The following TBC1D12 variants were observed in gnomAD, a reference collection of about 807,000 sequenced individuals.
The protein encoded by TBC1D12 is TBC1 domain family member 12.
In TBC1D12, 56 loss-of-function variants were observed where a neutral mutation model predicts 86.7. That is an observed-to-expected ratio of 0.65 (90% confidence interval 0.52 to 0.81). TBC1D12 has a LOEUF of 0.81. Ranked by LOEUF, TBC1D12 falls within the 30% of genes least tolerant of loss-of-function variation. TBC1D12 has a pLI of 0.00. For missense variants in TBC1D12, 1,023 were observed against 1,038.8 expected, an observed-to-expected ratio of 0.98 and a Z score of 0.21; for synonymous variants, 421 against 411.7, an observed-to-expected ratio of 1.02 and a Z score of -0.27.
intron 3 of TBC1D12, among the ~76,000 whole-genome samples, chr10:94,483,362 A>G (rs1469276894): frequency 2.0e-5 from 3 of 152,268 alleles, no homozygotes; most frequent in Admixed American, 1.3e-4. Context: ...TGGTTGTACT[A>G]ATTTCCATTA....
chr10:94,413,724 AT>A, intron 1 of TBC1D12, among the ~76,000 whole-genome samples: 1 of 151,428 alleles, frequency 6.6e-6, no homozygotes, highest in East Asian at 1.9e-4. Flanking sequence ...TCATCTTTGA[AT>A]TTGGCTTTTC....
intron 9 of TBC1D12, among the ~76,000 whole-genome samples, chr10:94,520,806 C>G (rs1842130233): frequency 6.6e-6 from 1 of 151,752 alleles, no homozygotes; most frequent in Admixed American, 6.6e-5. Flanking sequence ...ACTACAGGCA[C>G]CTGCCACCAC....
At chr10:94,418,553 G>A (rs546091371) in intron 1 of TBC1D12, among the ~76,000 whole-genome samples, 18 of 148,246 alleles carry the variant, frequency 1.2e-4, no homozygotes, top group African/African-American at 4.3e-4. Context: ...TTATACTTTG[G>A]TCTATTATTA....
At chr10:94,501,811 G>T (rs1300512660) in intron 6 of TBC1D12, among the ~76,000 whole-genome samples, 1 of 151,892 alleles carries the variant, frequency 6.6e-6, no homozygotes, top group African/African-American at 2.4e-5. Context: ...GCCTCCCAAA[G>T]TGCTGGGATT....
rs185130152 is a variant in TBC1D12, at chr10:94,418,937, C to T, written c.971+15353C>T. On this transcript the variant is annotated intron_variant, in intron 1 of 12. Coordinates refer to ENST00000225235, the MANE Select transcript of TBC1D12 (RefSeq NM_015188.2). ...TTGCCCAGACTGGAGTGCAGTGGCGCGATCTCGGCTCACTGCAACATCCAC... is the reference window on the plus strand; with the variant it reads ...TTGCCCAGACTGGAGTGCAGTGGCGTGATCTCGGCTCACTGCAACATCCAC... Among the ~76,000 whole-genome samples the T allele has an allele frequency of 4.5e-3, 678 of 151,010 alleles. 6 individuals carry two copies. Among genetic ancestry groups the T allele is most frequent in the African/African-American group, 0.015 (625 of 41,084 alleles).
chr10:94,512,385 C>T, intron 9 of TBC1D12, among the ~76,000 whole-genome samples: 1 of 152,190 alleles, frequency 6.6e-6, no homozygotes, highest in East Asian at 1.9e-4. Context: ...ATAGAACTTT[C>T]ATCTTCTCAC....
At chr10:94,470,643 G>A (rs981347903) in intron 2 of TBC1D12, among the ~76,000 whole-genome samples, 1 of 149,968 alleles carries the variant, frequency 6.7e-6, no homozygotes, top group African/African-American at 2.5e-5. Context: ...GATTATAGGC[G>A]TGAACCTCTG....
At chr10:94,485,994 T>C (rs1279652567) in intron 3 of TBC1D12, among the ~76,000 whole-genome samples, 1 of 152,038 alleles carries the variant, frequency 6.6e-6, no homozygotes, top group African/African-American at 2.4e-5. Context: ...CTTATTTGAG[T>C]CTTCTTTTTT....
intron 1 of TBC1D12, among the ~76,000 whole-genome samples, chr10:94,408,653 A>G (rs1425993530): frequency 6.6e-6 from 1 of 152,126 alleles, no homozygotes; most frequent in African/African-American, 2.4e-5. Context: ...CATCCATCTG[A>G]CTGAGCCATC....
intron 2 of TBC1D12, among the ~76,000 whole-genome samples, chr10:94,450,143 T>C (rs1041344323): frequency 3.3e-5 from 5 of 152,144 alleles, no homozygotes; most frequent in African/African-American, 9.7e-5. Flanking sequence ...TATAATGCAA[T>C]AGGTATAATT....
At chr10:94,449,497 A>C (rs549644513) in intron 2 of TBC1D12, among the ~76,000 whole-genome samples, 1 of 152,330 alleles carries the variant, frequency 6.6e-6, no homozygotes, top group African/African-American at 2.4e-5. Flanking sequence ...TATCCCAAGC[A>C]TAATGGTTTC....
intron 11 of TBC1D12, among the ~76,000 whole-genome samples, chr10:94,528,993 T>C (rs1842362678): frequency 6.6e-6 from 1 of 151,624 alleles, no homozygotes; most frequent in Admixed American, 6.6e-5. Context: ...TCTTCTCAGG[T>C]CTTCTTTGGT....
intron 5 of TBC1D12, among the ~76,000 whole-genome samples, chr10:94,499,356 C>T (rs1394003065): frequency 1.3e-5 from 2 of 152,116 alleles, no homozygotes; most frequent in Non-Finnish European, 2.9e-5. Flanking sequence ...ACCATTCTAC[C>T]CCCTACTTTT....
At position 94,403,541 on chromosome 10, in the gene TBC1D12, G is replaced by T. The variant is rs775546108; in HGVS notation, c.928G>T (p.Ala310Ser). The T allele has an allele frequency of 6.6e-7, 1 of 1,517,332 alleles. No homozygotes were observed. Among genetic ancestry groups the T allele is most frequent in the Non-Finnish European group, 8.8e-7 (1 of 1,142,410 alleles). 94.0% of individuals were successfully genotyped at this position (1,517,332 alleles called of 1,614,324 possible). Residue 310 changes from alanine (A) to serine (S), a missense_variant, in exon 1 of 13, where the codon GCC (alanine) becomes TCC (serine). By Grantham distance (99) the Ala-to-Ser change is moderately conservative (BLOSUM62 1). Coordinates refer to ENST00000225235, the MANE Select transcript of TBC1D12 (RefSeq NM_015188.2). Reference protein sequence around the residue: ...AAEQGPAGASARARRSGGFAD... With the variant: ...AAEQGPAGASSRARRSGGFAD... The stretch of plus-strand genomic sequence containing the variant: ...GGAGCAGGGTCCTGCGGGGGCTTCG[G>T]CCCGGGCTCGACGGAGTGGCGGCTT...
Position 94,531,325 on chromosome 10 carries a change from A to G in TBC1D12, c.2124A>G (p.Glu708=). Residue 708 remains glutamate, a synonymous_variant, in exon 12 of 13, where the codon GAA becomes GAG. Coordinates refer to ENST00000225235, the MANE Select transcript of TBC1D12 (RefSeq NM_015188.2). ...RTGLGILRLY[E]DILLQMDFIH... ...GATTAGGAATCCTCCGATTATATGA[A>G]GATATTCTCCTGCAGATGGACTTTA... 1.2e-6 allele frequency: 2 copies of G among 1,614,146 alleles called. No homozygotes were observed. The highest frequency in any genetic ancestry group is 2.2e-5 in the South Asian group (2 of 91,080).
At chr10:94,430,036 G>A (rs1238380465) in intron 1 of TBC1D12, among the ~76,000 whole-genome samples, 7 of 151,918 alleles carry the variant, frequency 4.6e-5, no homozygotes, top group Admixed American at 2.0e-4. Flanking sequence ...GCACCCAGCC[G>A]AAAAGTATTC....
intron 8 of TBC1D12, among the ~76,000 whole-genome samples, chr10:94,511,249 C>T (rs2056523217): frequency 6.6e-6 from 1 of 151,918 alleles, no homozygotes. Flanking sequence ...AGGCGTATGA[C>T]ACCATGCCCA....
In TBC1D12 at chr10:94,484,246, TTG is replaced by T. The variant is rs1335750870; in HGVS notation, c.1212-9117_1212-9116del. ...TATCCAGTTTTGTTTTTTGTTTCTT[TTG>T]TTTTTTTTTTTTTTTGAGGTGGAGT... On this transcript the variant is annotated intron_variant, in intron 3 of 12. Transcript: ENST00000225235. Among the ~76,000 whole-genome samples the T allele has an allele frequency of 1.6e-4, 8 of 50,264 alleles. No individual in the cohort carries two copies. The Admixed American group carries it at 2.0e-3, about 13-fold the overall frequency. The allele number at this position is 50,264 out of a possible 152,430, so 33.0% of individuals were successfully genotyped here. A position where few individuals can be genotyped will look rare whatever the true frequency, so the allele number is the denominator to read the frequency against.
intron 12 of TBC1D12, among the ~76,000 whole-genome samples, chr10:94,532,509 A>G (rs1055840005): frequency 3.9e-5 from 6 of 152,304 alleles, no homozygotes; most frequent in African/African-American, 1.4e-4. Flanking sequence ...AGTATTATCA[A>G]TTTAGTGAAG....
Sources: gnomAD v4.1 joint callset for allele counts (sites outside exome capture counted in the v4.1 genomes callset) on GRCh38, gnomAD v4.1.1 for gene constraint, MANE v1.5 for transcripts, NCBI Gene and HGNC (gene_info 2026-07-23, HGNC 2026-07-21) for gene names.